The following ELAPOR2 variants were observed in gnomAD, a reference collection of about 807,000 sequenced individuals.
ELAPOR2 encodes endosome-lysosome associated apoptosis and autophagy regulator family member 2.
ELAPOR2 carries 89 observed loss-of-function variants against 120.7 expected under a neutral mutation model. The observed-to-expected ratio is 0.74, with a 90% confidence interval of 0.62 to 0.88. The LOEUF is 0.88. Among genes scored for constraint, ELAPOR2 ranks in the 40% least tolerant of loss-of-function variants. ELAPOR2 has a pLI of 0.00. For missense variants in ELAPOR2, 1,134 were observed against 1,251.6 expected, an observed-to-expected ratio of 0.91 and a Z score of 1.42; for synonymous variants, 444 against 444.9, an observed-to-expected ratio of 1.00 and a Z score of 0.03.
chr7:86,997,566 T>C (rs1174977489), intron 1 of ELAPOR2, among the ~76,000 whole-genome samples: 1 of 152,208 alleles, frequency 6.6e-6, no homozygotes, highest in Non-Finnish European at 1.5e-5. Context: ...TCAACTGGCA[T>C]GGGAAGATGT....
At chr7:87,041,585 C>T (rs1034207892) in intron 1 of ELAPOR2, among the ~76,000 whole-genome samples, 4 of 151,898 alleles carry the variant, frequency 2.6e-5, no homozygotes, top group African/African-American at 9.7e-5. Flanking sequence ...ACCACCAGGC[C>T]TGCCCTAAAA....
chr7:86,925,748 G>A (rs547564224), intron 9 of ELAPOR2, 92 bp from the exon 10 acceptor site: 34 of 1,162,188 alleles, frequency 2.9e-5, no homozygotes, highest in Non-Finnish European at 4.3e-5. Flanking sequence ...ATTACAATTA[G>A]CAGGGAGAGA....
intron 1 of ELAPOR2, among the ~76,000 whole-genome samples, chr7:87,048,468 C>T (rs1462621868): frequency 6.6e-6 from 1 of 151,942 alleles, no homozygotes; most frequent in African/African-American, 2.4e-5. Flanking sequence ...AGAACAGTTA[C>T]CAGAGTCTGG....
intron 8 of ELAPOR2, among the ~76,000 whole-genome samples, 190 bp downstream of exon 8, chr7:86,937,936 C>T (rs1277407051): frequency 1.3e-5 from 2 of 152,004 alleles, no homozygotes; most frequent in Non-Finnish European, 1.5e-5. Flanking sequence ...AATAAGTTGC[C>T]CACAGGACTT....
At chr7:87,046,877 T>G (rs1346079681) in intron 1 of ELAPOR2, among the ~76,000 whole-genome samples, 1 of 152,116 alleles carries the variant, frequency 6.6e-6, no homozygotes, top group African/African-American at 2.4e-5. Flanking sequence ...AAAGAACTGA[T>G]ACACTATCCT....
chr7:86,944,229 T>C (rs1032338183), intron 4 of ELAPOR2, among the ~76,000 whole-genome samples: 15 of 152,240 alleles, frequency 9.9e-5, no homozygotes, highest in African/African-American at 3.4e-4. Flanking sequence ...TGATAAATAT[T>C]TGCTAGATTA....
At chr7:86,971,994 A>G (rs1792120854) in intron 1 of ELAPOR2, among the ~76,000 whole-genome samples, 1 of 152,192 alleles carries the variant, frequency 6.6e-6, no homozygotes, top group African/African-American at 2.4e-5. Context: ...GAACCAGGCA[A>G]CCATGGCTAG....
At chr7:87,031,190 G>C (rs984638928) in intron 1 of ELAPOR2, among the ~76,000 whole-genome samples, 3 of 152,152 alleles carry the variant, frequency 2.0e-5, no homozygotes, top group Non-Finnish European at 4.4e-5. Context: ...CAGGAATGCT[G>C]TCTGGTTCTA....
At chr7:86,929,697 T>C (rs1006324065) in intron 8 of ELAPOR2, among the ~76,000 whole-genome samples, 3 of 151,946 alleles carry the variant, frequency 2.0e-5, no homozygotes, top group Non-Finnish European at 2.9e-5. Flanking sequence ...TCTCCTCTGA[T>C]ATGTTTTAGA....
At chr7:87,027,484 C>CA (rs1794283153) in intron 1 of ELAPOR2, among the ~76,000 whole-genome samples, 1 of 152,072 alleles carries the variant, frequency 6.6e-6, no homozygotes, top group African/African-American at 2.4e-5. Flanking sequence ...ATTGTGTCCC[C>CA]AAAAAATTCA....
intron 1 of ELAPOR2, among the ~76,000 whole-genome samples, chr7:87,047,722 G>A (rs577810849): frequency 1.3e-5 from 2 of 152,266 alleles, no homozygotes; most frequent in African/African-American, 4.8e-5. Flanking sequence ...CACTGTTGAT[G>A]GGAATGTAAA....
At chr7:87,001,828 AT>A in intron 1 of ELAPOR2, among the ~76,000 whole-genome samples, 1 of 152,268 alleles carries the variant, frequency 6.6e-6, no homozygotes. Flanking sequence ...CTAAATTTAA[AT>A]TTGCAAAGCA....
chr7:86,965,787 CA>C, intron 1 of ELAPOR2: 2 of 982,798 alleles, frequency 2.0e-6, no homozygotes, highest in Non-Finnish European at 2.4e-6. Flanking sequence ...AAATCTACCC[CA>C]AATTGTTTTC....
chr7:86,893,298 T>G (rs929888984), intron 19 of ELAPOR2, among the ~76,000 whole-genome samples, 198 bp from the exon 20 acceptor site: 2 of 151,718 alleles, frequency 1.3e-5, no homozygotes, highest in African/African-American at 4.8e-5. Flanking sequence ...AAAAAATATA[T>G]GTGAATGAAT....
chr7:87,048,985 ACT>A (rs1795026521), intron 1 of ELAPOR2, among the ~76,000 whole-genome samples: 1 of 152,228 alleles, frequency 6.6e-6, no homozygotes, highest in Non-Finnish European at 1.5e-5. Flanking sequence ...TGATTATAAC[ACT>A]GTTTTGATTA....
At chr7:86,901,017 A>C (rs577020699) in intron 18 of ELAPOR2, among the ~76,000 whole-genome samples, 1 of 152,316 alleles carries the variant, frequency 6.6e-6, no homozygotes, top group East Asian at 1.9e-4. Context: ...CAGAGGTATC[A>C]CAAATCATGC....
At chr7:87,033,912 A>C (rs1794497814) in intron 1 of ELAPOR2, among the ~76,000 whole-genome samples, 1 of 152,174 alleles carries the variant, frequency 6.6e-6, no homozygotes, top group Non-Finnish European at 1.5e-5. Context: ...ATGGTATAGA[A>C]AACAGACCAA....
At chr7:86,961,965 C>G (rs941682288) in intron 2 of ELAPOR2, among the ~76,000 whole-genome samples, 1 of 152,078 alleles carries the variant, frequency 6.6e-6, no homozygotes, top group African/African-American at 2.4e-5. Flanking sequence ...TTCTCCACAG[C>G]AGAGAGGACA....
At chr7:87,042,465 A>G (rs903878472) in intron 1 of ELAPOR2, among the ~76,000 whole-genome samples, 3 of 151,534 alleles carry the variant, frequency 2.0e-5, no homozygotes, top group Non-Finnish European at 4.4e-5. Flanking sequence ...CTCACTCAAA[A>G]CCGCTCAACT....
Sources: gnomAD v4.1 joint callset for allele counts (sites outside exome capture counted in the v4.1 genomes callset) on GRCh38, gnomAD v4.1.1 for gene constraint, MANE v1.5 for transcripts, NCBI Gene and HGNC (gene_info 2026-07-23, HGNC 2026-07-21) for gene names.